WDR20: variants seen among roughly 807,000 people sequenced by gnomAD.
WDR20 encodes WD repeat-containing protein 20.
In WDR20, 3 loss-of-function variants were observed where a neutral mutation model predicts 38.7. The ratio of observed to expected loss-of-function variants is 0.08; its 90% confidence interval spans 0.04 to 0.20. WDR20 has a LOEUF of 0.20. Among genes scored for constraint, WDR20 ranks in the 10% least tolerant of loss-of-function variants. WDR20 has a pLI of 1.00. For missense variants in WDR20, 559 were observed against 727.7 expected (o/e 0.77, Z 2.67); for synonymous variants, 298 against 285.6 (o/e 1.04, Z -0.44).
Position 102,209,894 on chromosome 14 carries a change from C to G in WDR20, c.*14C>G. The G allele has an allele frequency of 1.3e-6, 2 of 1,582,272 alleles. No homozygotes were observed. Among genetic ancestry groups the G allele is most frequent in the Non-Finnish European group, 8.6e-7 (1 of 1,163,318 alleles). ...TTTAATCCTTAATGCTGCACCAGAT[C>G]TAGAACTTGAATAGGTAGTGACTTT... On this transcript the variant is annotated 3_prime_UTR_variant, in exon 3 of 3. Coordinates refer to ENST00000342702, the MANE Select transcript of WDR20 (RefSeq NM_144574.4). The surrounding 1 kb of genome is among the most constrained non-coding windows in gnomAD (Gnocchi z 6.0).
chr14:102,201,057 A>G (rs1207748049), intron 2 of WDR20, among the ~76,000 whole-genome samples: 1 of 152,234 alleles, frequency 6.6e-6, no homozygotes, highest in East Asian at 1.9e-4. Context: ...TTTCTAATCG[A>G]AGGAAGGAAA....
At chr14:102,192,413 A>G (rs2058671108) in intron 1 of WDR20, among the ~76,000 whole-genome samples, 1 of 152,160 alleles carries the variant, frequency 6.6e-6, no homozygotes, top group Non-Finnish European at 1.5e-5. Flanking sequence ...TCCTGACCTC[A>G]GGTGATCCAC....
At chr14:102,185,849 T>C (rs2064554016) in intron 1 of WDR20, among the ~76,000 whole-genome samples, 1 of 152,154 alleles carries the variant, frequency 6.6e-6, no homozygotes, top group East Asian at 1.9e-4. Context: ...TATTTGCTTT[T>C]ATATACATTT....
At chr14:102,149,846 C>A (rs2055104943) in intron 1 of WDR20, among the ~76,000 whole-genome samples, 1 of 152,126 alleles carries the variant, frequency 6.6e-6, no homozygotes, top group Admixed American at 6.5e-5. Flanking sequence ...GCACATGCCA[C>A]CACGCCCGGC....
chr14:102,160,745 A>G (rs1362631124), intron 1 of WDR20, among the ~76,000 whole-genome samples: 1 of 151,864 alleles, frequency 6.6e-6, no homozygotes, highest in South Asian at 2.1e-4. Flanking sequence ...GATCAAGACC[A>G]TCCTGGCTAA....
At chr14:102,161,131 TATATA>T (rs2058578098) in intron 1 of WDR20, among the ~76,000 whole-genome samples, 1 of 9,066 alleles carries the variant, frequency 1.1e-4, no homozygotes, top group Admixed American at 1.1e-3. Flanking sequence ...CATATATATA[TATATA>T]TATATATTTT....
chr14:102,200,467 T>TTTGTGTGTGTGTGTG (rs748066838), intron 2 of WDR20, among the ~76,000 whole-genome samples: 3 of 117,684 alleles, frequency 2.5e-5, no homozygotes, highest in African/African-American at 9.4e-5. Context: ...ATTTTTTTTT[T>TTTGTGTGTGTGTGTG]TGTGTGTGTG....
At chr14:102,139,564 C>T, upstream of WDR20, 1 of 780,636 alleles carries the variant, frequency 1.3e-6, no homozygotes, top group Non-Finnish European at 2.0e-6. Context: ...GACACCAGCC[C>T]CGCCGCGGTT....
intron 1 of WDR20, among the ~76,000 whole-genome samples, chr14:102,184,979 G>C (rs550319506): frequency 6.6e-6 from 1 of 152,272 alleles, no homozygotes; most frequent in South Asian, 2.1e-4. Context: ...AGTGTGGGCT[G>C]TACTAGTATG....
intron 1 of WDR20, chr14:102,167,797 C>T (rs1031449038): frequency 2.0e-5 from 3 of 152,120 alleles, no homozygotes; most frequent in Admixed American, 2.0e-4. Flanking sequence ...CTATTGAGGG[C>T]TGATTTTATC....
intron 1 of WDR20, among the ~76,000 whole-genome samples, chr14:102,187,409 TGGG>T (rs138702000): frequency 6.6e-6 from 1 of 150,614 alleles, no homozygotes; most frequent in African/African-American, 2.4e-5. Flanking sequence ...ACACATAGGC[TGGG>T]GGGGGGCTCA....
At chr14:102,224,463 GTTTA>G (rs773659300), downstream of WDR20, 28 of 409,568 alleles carry the variant, frequency 6.8e-5, no homozygotes, top group Middle Eastern at 3.8e-4. Flanking sequence ...GCAGAAGAAT[GTTTA>G]TTTATTTTTT....
Position 102,140,027 on chromosome 14 carries a change from C to T in WDR20, c.104C>T (p.Pro35Leu). Residue 35 changes from proline (P) to leucine (L), a missense_variant, in exon 1 of 3, where the codon CCC becomes CTC. Pro to Leu is a moderately conservative substitution (Grantham distance 98, BLOSUM62 -3). Transcript: ENST00000342702. ...KLLPHSEYSR[P>L]NRVPFNSQGS... is the part of the protein sequence containing the mutation. ...CTGCCGCACTCGGAGTACAGCCGGC[C>T]CAACCGGGTGCCCTTCAACTCGCAG... The T allele has an allele frequency of 6.2e-7, 1 of 1,614,268 alleles. No homozygotes were observed. Among genetic ancestry groups the T allele is most frequent in the Non-Finnish European group, 8.5e-7 (1 of 1,180,052 alleles).
chr14:102,145,031 T>A (rs1019302504), intron 1 of WDR20, among the ~76,000 whole-genome samples: 1 of 152,234 alleles, frequency 6.6e-6, no homozygotes, highest in African/African-American at 2.4e-5. Context: ...TTTCTGAATT[T>A]GTAATTCTGT....
chr14:102,214,002 CGGG>C (rs1273247554), downstream of WDR20: 8 of 985,410 alleles, frequency 8.1e-6, no homozygotes, highest in East Asian at 9.1e-4. Context: ...GAGGGCATGG[CGGG>C]GGATCCGGTG....
downstream of WDR20, among the ~76,000 whole-genome samples, chr14:102,210,940 T>C (rs1039548096): frequency 4.6e-5 from 7 of 152,180 alleles, no homozygotes; most frequent in Admixed American, 2.6e-4. Flanking sequence ...GTTCCGGGAT[T>C]ACTCTTGGGA....
At chr14:102,205,806 T>G (rs188840024) in intron 2 of WDR20, among the ~76,000 whole-genome samples, 43 of 148,364 alleles carry the variant, frequency 2.9e-4, no homozygotes, top group African/African-American at 5.6e-4. Flanking sequence ...CAAGGTCGGT[T>G]TTTTTTTTTT....
intron 1 of WDR20, among the ~76,000 whole-genome samples, chr14:102,161,862 A>G (rs1300342446): frequency 6.6e-6 from 1 of 152,226 alleles, no homozygotes; most frequent in African/African-American, 2.4e-5. Context: ...TCAGGCTGTC[A>G]TAAAAATAAG....
chr14:102,205,476 C>A, intron 2 of WDR20, among the ~76,000 whole-genome samples: 1 of 152,120 alleles, frequency 6.6e-6, no homozygotes, highest in East Asian at 1.9e-4. Context: ...CTACTGTATA[C>A]TTTTATGTGA....
Sources: allele counts gnomAD v4.1 joint callset (sites outside exome capture counted in the v4.1 genomes callset), GRCh38; gene constraint gnomAD v4.1.1; non-coding constraint Gnocchi (gnomAD v3.1); transcripts MANE v1.5; gene names NCBI Gene and HGNC (gene_info 2026-07-23, HGNC 2026-07-21).